CHMP6: variants seen among roughly 807,000 people sequenced by gnomAD.
CHMP6 encodes the protein chromatin-modifying protein 6.
CHMP6 carries 10 observed loss-of-function variants against 32.8 expected under a neutral mutation model. The observed-to-expected ratio is 0.30, with a 90% confidence interval of 0.19 to 0.52. The LOEUF is 0.52. Among genes scored for constraint, CHMP6 ranks in the 20% least tolerant of loss-of-function variants. The pLI is 0.97. For missense variants in CHMP6, 269 were observed against 263.8 expected, an observed-to-expected ratio of 1.02 and a Z score of -0.14; for synonymous variants, 123 against 105.8, an observed-to-expected ratio of 1.16 and a Z score of -1.00.
intron 1 of CHMP6, among the ~76,000 whole-genome samples, chr17:80,992,923 A>G (rs2069605487): frequency 6.6e-6 from 1 of 152,230 alleles, no homozygotes. Flanking sequence ...GAAAGAGGGA[A>G]TCTTACGTTG....
In CHMP6 at chr17:80,995,338, T is replaced by G. The variant is rs183919904; in HGVS notation, c.261+232T>G. ...TCTCGCAGGACTGAGGTGGGGAAGG[T>G]TGGGCCACCCCTGGGTGGTGTGGGT... On this transcript the variant is annotated intron_variant, in intron 3 of 7. Transcript: ENST00000325167. 3.1e-3 allele frequency among the ~76,000 whole-genome samples: 464 copies of G among 151,880 alleles called. 5 individuals are homozygous for G. Among genetic ancestry groups the G allele is most frequent in the African/African-American group, 0.011 (454 of 41,392 alleles).
intron 6 of CHMP6, 152 bp downstream of exon 6, chr17:80,997,493 ACT>A (rs1343576769): frequency 3.9e-5 from 20 of 514,026 alleles, no homozygotes; most frequent in South Asian, 2.7e-4. Context: ...ACCTGAGGTG[ACT>A]CTGTTTTCAG....
Position 80,999,154 on chromosome 17 carries a change from C to A in CHMP6, c.*1C>A. 6.2e-7 allele frequency: 1 copy of A among 1,614,034 alleles called. No individual in the cohort carries two copies. Among genetic ancestry groups the A allele is most frequent in the Non-Finnish European group, 8.5e-7 (1 of 1,179,962 alleles). The stretch of plus-strand genomic sequence containing the variant: ...GGCGGAGCTGGTGGCAGCTTCGTAA[C>A]GTGGCCTCGTCTTGTGGGACTCACG... On this transcript the variant is annotated 3_prime_UTR_variant, in exon 8 of 8. Transcript: ENST00000325167.
intron 1 of CHMP6, 120 bp downstream of exon 1, chr17:80,992,101 G>A (rs1598437826): frequency 6.6e-6 from 4 of 609,594 alleles, no homozygotes; most frequent in African/African-American, 1.9e-5. Flanking sequence ...GGAAACTGAG[G>A]CGCAGCGCGC....
intron 5 of CHMP6, 90 bp downstream of exon 5, chr17:80,997,162 C>T (rs1002335598): frequency 2.5e-5 from 40 of 1,598,928 alleles, no homozygotes; most frequent in Non-Finnish European, 3.1e-5. Flanking sequence ...CTAGAGCGGC[C>T]GCCTTCTCTC....
In CHMP6 at chr17:80,997,346, C is replaced by G; in HGVS notation, c.495+5C>G. The G allele has an allele frequency of 9.3e-7, 1 of 1,072,818 alleles. No homozygotes were observed. The highest frequency in any genetic ancestry group is 1.4e-5 in the South Asian group (1 of 71,778). 66.5% of individuals were successfully genotyped at this position (1,072,818 alleles called of 1,614,324 possible). On this transcript the variant is annotated splice_donor_5th_base_variant and intron_variant, in intron 6 of 7. Coordinates refer to ENST00000325167, the MANE Select transcript of CHMP6 (RefSeq NM_024591.5). The stretch of plus-strand genomic sequence containing the variant: ...GAGCTGAGCGCAATCACTCAGGTAA[C>G]GGCCCCCCCGGGACTGAGCACAGTC...
intron 6 of CHMP6, among the ~76,000 whole-genome samples, chr17:80,997,839 G>A (rs1260020043): frequency 2.0e-5 from 3 of 152,190 alleles, no homozygotes; most frequent in Non-Finnish European, 4.4e-5. Flanking sequence ...CAGCTGCCCC[G>A]GCGCCCTGGT....
intron 1 of CHMP6, among the ~76,000 whole-genome samples, chr17:80,992,237 C>T (rs1312011145): frequency 6.6e-6 from 1 of 151,710 alleles, no homozygotes; most frequent in East Asian, 1.9e-4. Context: ...CTGCGAGCCC[C>T]GCCGGGGTGG....
chr17:80,993,937 G>A (rs1437626157), intron 1 of CHMP6, among the ~76,000 whole-genome samples: 1 of 151,880 alleles, frequency 6.6e-6, no homozygotes, highest in Non-Finnish European at 1.5e-5. Flanking sequence ...TTTTGAGATG[G>A]AGTCTCACTC....
chr17:80,992,903 G>T (rs957352340), intron 1 of CHMP6, among the ~76,000 whole-genome samples: 2 of 152,204 alleles, frequency 1.3e-5, no homozygotes, highest in South Asian at 2.1e-4. Flanking sequence ...AAAGAGAAGC[G>T]AATGTAAATG....
chr17:80,992,259 G>C (rs1315710754), intron 1 of CHMP6, among the ~76,000 whole-genome samples: 1 of 151,864 alleles, frequency 6.6e-6, no homozygotes, highest in African/African-American at 2.4e-5. Context: ...CGCGGCTGGT[G>C]ACTGCGGGAT....
At chr17:80,997,192 A>G in intron 5 of CHMP6, 69 bp from the exon 6 acceptor site, 1 of 1,603,972 alleles carries the variant, frequency 6.2e-7, no homozygotes, top group Non-Finnish European at 8.5e-7. Flanking sequence ...AGACCCAGCC[A>G]CAGGCCATCT....
At chr17:80,995,192 G>A (rs1007663592) in intron 3 of CHMP6, 86 bp downstream of exon 3, 24 of 1,336,320 alleles carry the variant, frequency 1.8e-5, no homozygotes, top group South Asian at 2.6e-5. Flanking sequence ...AATTTCTCCC[G>A]AGAGCTGAAA....
intron 1 of CHMP6, among the ~76,000 whole-genome samples, chr17:80,992,371 C>T (rs1364169874): frequency 1.4e-5 from 2 of 141,610 alleles, no homozygotes; most frequent in African/African-American, 5.4e-5. Flanking sequence ...GAGCAGGTCC[C>T]GGCTCTCCCG....
intron 1 of CHMP6, among the ~76,000 whole-genome samples, chr17:80,993,286 C>T (rs35002636): frequency 0.34 from 50,915 of 150,134 alleles, 9,419 homozygotes; most frequent in Admixed American, 0.43. Context: ...TTCTGTTTTT[C>T]TAGGATAACA....
At chr17:80,995,248 G>T in intron 3 of CHMP6, 142 bp downstream of exon 3, 1 of 786,996 alleles carries the variant, frequency 1.3e-6, no homozygotes, top group East Asian at 2.8e-5. Flanking sequence ...AAGAGGGGCG[G>T]GCCTGGAATC....
At position 80,991,892 on chromosome 17, in the gene CHMP6, G is replaced by T. The variant is rs551094611; in HGVS notation, c.-27G>T. 1 of 1,411,142 alleles carries T rather than the reference G, an allele frequency of 7.1e-7. No homozygotes were observed. The highest frequency in any genetic ancestry group is 1.4e-5 in the South Asian group (1 of 69,352). The allele number at this position is 1,411,142 out of a possible 1,614,324, so 87.4% of individuals were successfully genotyped here. On this transcript the variant is annotated 5_prime_UTR_variant, in exon 1 of 8. Coordinates refer to ENST00000325167, the MANE Select transcript of CHMP6 (RefSeq NM_024591.5). ...GCGGCGGTGGCGATTGGACTTGGTGGGTCCCGGGCCAGGGGCGGGCGCCGC... is the reference window on the plus strand; with the variant it reads ...GCGGCGGTGGCGATTGGACTTGGTGTGTCCCGGGCCAGGGGCGGGCGCCGC...
chr17:80,995,755 C>T lies in CHMP6; in HGVS notation c.345C>T (p.His115=). The T allele has an allele frequency of 6.2e-7, 1 of 1,613,770 alleles. No homozygotes were observed. Among genetic ancestry groups the T allele is most frequent in the East Asian group, 2.2e-5 (1 of 44,878 alleles). ...GAAATGAGTGTCTGAACAAGATGCA[C>T]CAGGTGAGTCTCTGCAGGGCCAGGG... is the stretch of plus-strand genomic sequence containing the variant. ...QFGNECLNKM[H]QVMSIEEVER... Residue 115 remains histidine (H), a synonymous_variant, in exon 4 of 8, where the codon CAC becomes CAT. Coordinates refer to ENST00000325167, the MANE Select transcript of CHMP6 (RefSeq NM_024591.5).
intron 1 of CHMP6, among the ~76,000 whole-genome samples, chr17:80,994,237 G>A (rs1302562283): frequency 6.6e-6 from 1 of 152,204 alleles, no homozygotes; most frequent in Non-Finnish European, 1.5e-5. Context: ...TGAGGTCCTG[G>A]CAGCTGCTCC....
Sources: gnomAD v4.1 joint callset for allele counts (sites outside exome capture counted in the v4.1 genomes callset) on GRCh38, gnomAD v4.1.1 for gene constraint, MANE v1.5 for transcripts, NCBI Gene and HGNC (gene_info 2026-07-23, HGNC 2026-07-21) for gene names.